Variants in ARAP1 observed in about 807,000 individuals in gnomAD.
ARAP1 encodes ArfGAP with RhoGAP domain, ankyrin repeat and PH domain 1.
ARAP1 carries 76 observed loss-of-function variants against 172.2 expected under a neutral mutation model. The observed-to-expected ratio is 0.44, with a 90% CI of 0.37 to 0.53. The LOEUF (loss-of-function observed/expected upper bound fraction) is 0.53. ARAP1 is among the 20% of genes least tolerant of loss of function. The pLI is 0.00. For synonymous variants in ARAP1, 804 were observed against 803.3 expected (o/e 1.00, Z -0.01); for missense variants, 1,686 against 1,977.5 (o/e 0.85, Z 2.80).
Position 72,693,428 on chromosome 11 carries a change from C to T in ARAP1, c.3851G>A (p.Arg1284His), listed in dbSNP as rs777239850. The change falls in exon 29 of 35, where the codon CGT becomes CAT. Residue 1284 changes from arginine (R) to histidine (H), a missense_variant. Physicochemically the swap from Arg to His is conservative, Grantham distance 29. Coordinates refer to ENST00000393609, the MANE Select transcript of ARAP1 (RefSeq NM_001040118.3). The surrounding 1 kb of genome is among the most constrained non-coding windows in gnomAD (Gnocchi z 4.6). ...CAGGCCCAGGAGGCTGCGGTCCTCA[C>T]GGAACTTCATCATGCCATGCTTGGT... ...GDTKHGMMKFREDRSLLGLGL... is the reference protein window; with the variant it reads ...GDTKHGMMKFHEDRSLLGLGL... 21 of 1,613,846 alleles carry T rather than the reference C, an allele frequency of 1.3e-5. No homozygotes were observed. Among genetic ancestry groups the T allele is most frequent in the Non-Finnish European group, 1.7e-5 (20 of 1,179,808 alleles).
intron 11 of ARAP1, 172 bp downstream of exon 11, chr11:72,709,698 A>C: frequency 2.9e-6 from 2 of 691,108 alleles, no homozygotes; most frequent in Non-Finnish European, 5.2e-6. Context: ...CTCAGGAGGG[A>C]AGGAGATCAG....
intron 3 of ARAP1, among the ~76,000 whole-genome samples, chr11:72,719,664 T>C (rs1003892371): frequency 1.3e-5 from 2 of 152,150 alleles, no homozygotes; most frequent in Non-Finnish European, 2.9e-5. Flanking sequence ...CCCTACCCGT[T>C]CCTATCTTTC....
rs372507219 is a variant in ARAP1, at chr11:72,697,974, G to A, written c.2674C>T (p.Arg892Cys). 98 of 1,611,610 alleles carry A rather than the reference G, an allele frequency of 6.1e-5. No homozygotes were observed. The highest frequency in any genetic ancestry group is 1.0e-4 in the Admixed American group (6 of 59,738). The change falls in exon 19 of 35, where the codon CGT becomes TGT. Residue 892 changes from arginine (R) to cysteine (C), a missense_variant. Coordinates refer to ENST00000393609, the MANE Select transcript of ARAP1 (RefSeq NM_001040118.3). Reference sequence around the variant, plus strand: ...CAGGGCCCCTCCGGGAAGACAGCACGGAGCTCCGAGCCACTGAGAGAGAAC... The same window carrying A: ...CAGGGCCCCTCCGGGAAGACAGCACAGAGCTCCGAGCCACTGAGAGAGAAC... ...GWFSLSGSELRAVFPEGPCEE... is the reference protein window; with the variant it reads ...GWFSLSGSELCAVFPEGPCEE...
chr11:72,700,035 T>A (rs1453972624), intron 16 of ARAP1: 1 of 178,412 alleles, frequency 5.6e-6, no homozygotes, highest in Non-Finnish European at 1.2e-5. Context: ...TCCAGAAGCA[T>A]CTATCACTCT....
chr11:72,752,284 G>A (rs1180032397), intron 1 of ARAP1, 44 bp downstream of exon 1: 3 of 152,348 alleles, frequency 2.0e-5, no homozygotes, highest in Non-Finnish European at 4.4e-5. Flanking sequence ...AGGCCAATGT[G>A]GCGAGGGGCC....
chr11:72,740,685 T>TCC (rs1381739758), intron 1 of ARAP1, among the ~76,000 whole-genome samples: 1 of 152,016 alleles, frequency 6.6e-6, no homozygotes, highest in African/African-American at 2.4e-5. Context: ...CGACTTACCC[T>TCC]CCCAAGGGTC....
intron 3 of ARAP1, among the ~76,000 whole-genome samples, chr11:72,719,605 C>A (rs1857423111): frequency 6.6e-6 from 1 of 152,232 alleles, no homozygotes; most frequent in Admixed American, 6.5e-5. Context: ...GAGCCAGGAA[C>A]CAGCTTCATA....
intron 8 of ARAP1, 127 bp from the exon 9 acceptor site, chr11:72,711,268 G>T: frequency 6.7e-7 from 1 of 1,498,008 alleles, no homozygotes; most frequent in South Asian, 1.2e-5. Flanking sequence ...TGCTGACCCT[G>T]ACTGCAGCCC....
intron 4 of ARAP1, 69 bp from the exon 5 acceptor site, chr11:72,713,312 G>A: frequency 6.9e-7 from 1 of 1,457,692 alleles, no homozygotes; most frequent in Non-Finnish European, 9.6e-7. Flanking sequence ...CACCACACTG[G>A]GCTTCACAAA....
At position 72,693,802 on chromosome 11, in the gene ARAP1, C is replaced by A. The variant is rs147016656; in HGVS notation, c.3698G>T (p.Arg1233Leu). 6.3e-7 allele frequency: 1 copy of A among 1,597,324 alleles called. No homozygotes were observed. Among genetic ancestry groups the A allele is most frequent in the South Asian group, 1.1e-5 (1 of 88,690 alleles). ...CACCTTCTCCGCAAAGTGCAGGGGGCGCTCTGGGGAGAGGTCACACCTACC... is the reference window on the plus strand; with the variant it reads ...CACCTTCTCCGCAAAGTGCAGGGGGAGCTCTGGGGAGAGGTCACACCTACC... ...FEVNEREEAERPLHFAEKVLP... is the reference protein window; with the variant it reads ...FEVNEREEAELPLHFAEKVLP... Residue 1233 changes from arginine to leucine, a missense_variant, in exon 28 of 35, where the codon CGC becomes CTC. Physicochemically the swap from Arg to Leu is moderately radical, Grantham distance 102. Coordinates refer to ENST00000393609, the MANE Select transcript of ARAP1 (RefSeq NM_001040118.3). This position sits in a 1 kb window ranked among gnomAD's most constrained non-coding sequence, Gnocchi z 4.6.
intron 5 of ARAP1, 105 bp downstream of exon 5, chr11:72,713,070 CG>C: frequency 8.1e-7 from 1 of 1,227,762 alleles, no homozygotes; most frequent in Non-Finnish European, 1.2e-6. Context: ...GGAAGCCTCC[CG>C]GGAAATGGCT....
rs1856390839 is a variant in ARAP1, at chr11:72,699,755, C to A, written c.2303-203G>T. On this transcript the variant is annotated intron_variant, in intron 16 of 34. Coordinates refer to ENST00000393609, the MANE Select transcript of ARAP1 (RefSeq NM_001040118.3). The surrounding 1 kb of genome is among the most constrained non-coding windows in gnomAD (Gnocchi z 4.2). ...CCGCTCCCCCAGGCCTCTGCAGCAG[C>A]CCCTTCCAAAATCCCAGAGTGATCT... Among the ~76,000 whole-genome samples the A allele has an allele frequency of 6.6e-6, 1 of 152,206 alleles. No individual in the cohort carries two copies. Among genetic ancestry groups the A allele is most frequent in the South Asian group, 2.1e-4 (1 of 4,832 alleles).
Position 72,697,641 on chromosome 11 carries a change from C to G in ARAP1, c.2746G>C (p.Gly916Arg). Reference sequence around the variant, plus strand: ...ACCAGCACCTGGTTCTCACTGTCCCCCTGGATGGCTGTGGAGGGGTTAGTC... The same window carrying G: ...ACCAGCACCTGGTTCTCACTGTCCCGCTGGATGGCTGTGGAGGGGTTAGTC... ...LRKLQELSIQGDSENQVLVLV... is the reference protein window; with the variant it reads ...LRKLQELSIQRDSENQVLVLV... Residue 916 changes from glycine to arginine, a missense_variant, in exon 20 of 35, where the codon GGG (glycine) becomes CGG (arginine). Physicochemically the swap from Gly to Arg is moderately radical, Grantham distance 125. This residue lies in a region of ARAP1 where 274 missense variants were observed against 262.7 expected (regional missense o/e 1.04). Coordinates refer to ENST00000393609, the MANE Select transcript of ARAP1 (RefSeq NM_001040118.3). 1 of 1,614,132 alleles carries G rather than the reference C, an allele frequency of 6.2e-7. No individual in the cohort carries two copies. The highest frequency in any genetic ancestry group is 8.5e-7 in the Non-Finnish European group (1 of 1,179,988).
chr11:72,702,848 T>A (rs1028617870), intron 15 of ARAP1, 57 bp downstream of exon 15: 7 of 1,532,516 alleles, frequency 4.6e-6, no homozygotes, highest in African/African-American at 1.4e-5. Flanking sequence ...AGCAGGTAAA[T>A]CAAACCCCAC....
chr11:72,697,347 A>T lies in ARAP1; in HGVS notation c.2929T>A (p.Cys977Ser). The T allele has an allele frequency of 6.3e-7, 1 of 1,598,198 alleles. No individual in the cohort carries two copies. Among genetic ancestry groups the T allele is most frequent in the East Asian group, 2.3e-5 (1 of 44,252 alleles). The change falls in exon 21 of 35, where the codon TGT becomes AGT. Residue 977 changes from cysteine (C) to serine (S), a missense_variant. Transcript: ENST00000393609. ...CCGCACTGCGTGATGTAGTCCACACAGCGGTACACGATCACCGGGATATCC... is the reference window on the plus strand; with the variant it reads ...CCGCACTGCGTGATGTAGTCCACACTGCGGTACACGATCACCGGGATATCC... ...DSDIPVIVYR[C>S]VDYITQCGLT...
Position 72,726,832 on chromosome 11 carries a change from G to T in ARAP1, c.297C>A (p.Pro99=), listed in dbSNP as rs779877230. The stretch of plus-strand genomic sequence containing the variant: ...CCTCTGTAGTGGTGGGCAGCGGCTC[G>T]GGTGGAGTGGCAGGCACAGGTGGTG... ...FRSPPVPATP[P]EPLPTTTEDE... is the part of the protein sequence containing the mutation. Residue 99 remains proline, a synonymous_variant, in exon 3 of 35, where the codon CCC becomes CCA. Coordinates refer to ENST00000393609, the MANE Select transcript of ARAP1 (RefSeq NM_001040118.3). The surrounding 1 kb of genome is among the most constrained non-coding windows in gnomAD (Gnocchi z 6.5). The T allele has an allele frequency of 1.9e-6, 3 of 1,569,550 alleles. No individual in the cohort carries two copies. The highest frequency in any genetic ancestry group is 3.7e-5 in the Admixed American group (2 of 53,360).
At chr11:72,694,671 T>C (rs914138982) in intron 27 of ARAP1, among the ~76,000 whole-genome samples, 18 of 152,044 alleles carry the variant, frequency 1.2e-4, no homozygotes, top group East Asian at 1.9e-4. Flanking sequence ...TCAACAAATA[T>C]AGTAAAACAA....
chr11:72,715,172 G>A (rs531260547), intron 3 of ARAP1, among the ~76,000 whole-genome samples: 1 of 152,366 alleles, frequency 6.6e-6, no homozygotes, highest in African/African-American at 2.4e-5. Flanking sequence ...TTCCTCTTCT[G>A]TGAAACGGGG....
Position 72,702,942 on chromosome 11 carries a change from C to T in ARAP1, c.2130G>A (p.Thr710=), listed in dbSNP as rs1044977094. 1.6e-5 allele frequency: 25 copies of T among 1,560,464 alleles called. No homozygotes were observed. The highest frequency in any genetic ancestry group is 3.5e-5 in the South Asian group (3 of 84,928). Residue 710 remains threonine, a synonymous_variant, in exon 15 of 35, where the codon ACG becomes ACA. Transcript: ENST00000393609. The part of the protein sequence containing the change: ...PLALAEQAGQ[T]LQMEFLRNNR... ...TGTTCCGAAGGAATTCCATCTGCAG[C>T]GTCTGCCCCGCCTGCTCTGCAAGAG...
Sources: allele counts gnomAD v4.1 joint callset (sites outside exome capture counted in the v4.1 genomes callset), GRCh38; gene constraint gnomAD v4.1.1; regional missense constraint gnomAD v4.1.1; non-coding constraint Gnocchi (gnomAD v3.1); transcripts MANE v1.5; gene names NCBI Gene and HGNC (gene_info 2026-07-23, HGNC 2026-07-21).